ROCK2: variants seen among roughly 807,000 people sequenced by gnomAD.
ROCK2 encodes Rho associated coiled-coil containing protein kinase 2.
In ROCK2, 61 loss-of-function variants were observed where a neutral mutation model predicts 195.1. That is an observed-to-expected ratio of 0.31 (90% CI 0.25 to 0.39). The LOEUF (loss-of-function observed/expected upper bound fraction) is 0.39. ROCK2 is among the 10% of genes least tolerant of loss of function. The probability of loss-of-function intolerance (pLI) is 1.00; values close to 1 mark genes in which losing one functional copy is unlikely to be tolerated. For synonymous variants in ROCK2, 504 were observed against 545.5 expected, an observed-to-expected ratio of 0.92 and a Z score of 1.06; for missense variants, 1,109 against 1,637.4, an observed-to-expected ratio of 0.68 and a Z score of 5.57.
chr2:11,272,764 G>A (rs908367519), intron 3 of ROCK2, among the ~76,000 whole-genome samples: 7 of 151,732 alleles, frequency 4.6e-5, no homozygotes, highest in Admixed American at 3.9e-4. Flanking sequence ...CAGCTACTCG[G>A]GAGGCTGAGG....
rs1392281757 is a variant in ROCK2 at position 11,192,786 on chromosome 2, T to A, written c.3688-74A>T. On this transcript the variant is annotated intron_variant, in intron 30 of 32. Coordinates refer to ENST00000315872, the MANE Select transcript of ROCK2 (RefSeq NM_004850.5). This position sits in a 1 kb window ranked among gnomAD's most constrained non-coding sequence, Gnocchi z 5.0. The stretch of plus-strand genomic sequence containing the variant: ...TTATGTAGGAACAATTCTGATAGTG[T>A]AAGTAAAATAAAATTAGCCTAAATT... The A allele has an allele frequency of 1.4e-6, 2 of 1,446,968 alleles. No individual in the cohort carries two copies. Among genetic ancestry groups the A allele is most frequent in the African/African-American group, 2.8e-5 (2 of 70,520 alleles). The allele number at this position is 1,446,968 out of a possible 1,614,324, so 89.6% of individuals were successfully genotyped here.
Position 11,183,307 on chromosome 2 carries a change from G to T in ROCK2, c.*130C>A, listed in dbSNP as rs568905109. On this transcript the variant is annotated 3_prime_UTR_variant, in exon 33 of 33. Transcript: ENST00000315872. ...ACAGGGAAAAGGGGAACACATATAT[G>T]TATGAGTGTATGTATCAGTCTCTCA... is the stretch of plus-strand genomic sequence containing the variant. 9.3e-6 allele frequency: 6 copies of T among 647,488 alleles called. No homozygotes were observed. In the Admixed American group the frequency reaches 2.0e-4, roughly 21 times the overall value. The allele number at this position is 647,488 out of a possible 1,614,324, so 40.1% of individuals were successfully genotyped here.
intron 30 of ROCK2, among the ~76,000 whole-genome samples, chr2:11,193,059 A>G (rs530593665): frequency 5.9e-5 from 9 of 152,348 alleles, no homozygotes; most frequent in African/African-American, 2.2e-4. Flanking sequence ...AGACTGTTCA[A>G]AATAATCACT....
At position 11,181,004 on chromosome 2, in the gene ROCK2, T is replaced by C. The variant is rs942840865; in HGVS notation, c.*2433A>G. On this transcript the variant is annotated 3_prime_UTR_variant, in exon 33 of 33. Coordinates refer to ENST00000315872, the MANE Select transcript of ROCK2 (RefSeq NM_004850.5). The stretch of plus-strand genomic sequence containing the variant: ...ATTTTTTTTTCACCCTTCAGAATTA[T>C]CTTTTTCCCCTAAGACCTTCATATG... 1.3e-5 allele frequency: 2 copies of C among 151,902 alleles called. No individual in the cohort carries two copies. The highest frequency in any genetic ancestry group is 2.9e-5 in the Non-Finnish European group (2 of 67,968). The allele number at this position is 151,902 out of a possible 1,614,324, so 9.4% of individuals were successfully genotyped here. A position where few individuals can be genotyped will look rare whatever the true frequency, so the allele number is the denominator to read the frequency against.
chr2:11,275,695 C>CT (rs70953379), intron 3 of ROCK2, among the ~76,000 whole-genome samples: 6,798 of 110,152 alleles, frequency 0.062, 443 homozygotes, highest in African/African-American at 0.15. Context: ...ATTCAACAAT[C>CT]TTTTTTTTTT....
chr2:11,345,004 C>A (rs538807716), upstream of ROCK2, among the ~76,000 whole-genome samples: 16 of 151,214 alleles, frequency 1.1e-4, no homozygotes, highest in African/African-American at 3.6e-4. Flanking sequence ...CCCAGCGCAC[C>A]GTGCGCTGGG....
chr2:11,196,509 G>C (rs1297169339), intron 27 of ROCK2, among the ~76,000 whole-genome samples: 1 of 152,164 alleles, frequency 6.6e-6, no homozygotes, highest in Admixed American at 6.5e-5. Flanking sequence ...GCAATGCCAT[G>C]AGAAAATACC....
chr2:11,208,521 C>A, intron 18 of ROCK2, 74 bp from the exon 19 acceptor site: 1 of 746,484 alleles, frequency 1.3e-6, no homozygotes, highest in South Asian at 3.9e-5. Flanking sequence ...TAAGTAAAAG[C>A]ACATTAAATG....
chr2:11,296,315 A>G (rs1667537263), intron 1 of ROCK2, among the ~76,000 whole-genome samples: 1 of 152,172 alleles, frequency 6.6e-6, no homozygotes, highest in Admixed American at 6.5e-5. Flanking sequence ...CAACAAACAG[A>G]TAAAGTTTTG....
intron 1 of ROCK2, among the ~76,000 whole-genome samples, chr2:11,325,882 T>C (rs1269104983): frequency 6.6e-6 from 1 of 152,082 alleles, no homozygotes; most frequent in East Asian, 1.9e-4. Context: ...GGCAAGTGAA[T>C]CCCCTTTAAG....
intron 1 of ROCK2, among the ~76,000 whole-genome samples, chr2:11,324,491 A>G (rs1668490609): frequency 6.6e-6 from 1 of 152,258 alleles, no homozygotes; most frequent in Non-Finnish European, 1.5e-5. Flanking sequence ...AAACATTTAT[A>G]GCAGCTTTAT....
At chr2:11,327,124 G>C (rs1397936867) in intron 1 of ROCK2, among the ~76,000 whole-genome samples, 1 of 152,102 alleles carries the variant, frequency 6.6e-6, no homozygotes, top group Non-Finnish European at 1.5e-5. Context: ...TGGCCAAAGA[G>C]ACAAACTGAT....
chr2:11,281,483 T>C (rs937206775), intron 3 of ROCK2, among the ~76,000 whole-genome samples: 2 of 152,160 alleles, frequency 1.3e-5, no homozygotes, highest in Admixed American at 1.3e-4. Flanking sequence ...GATTCGAAAG[T>C]TTCCTGGAAC....
At chr2:11,244,299 T>C (rs1665535199) in intron 4 of ROCK2, among the ~76,000 whole-genome samples, 1 of 152,210 alleles carries the variant, frequency 6.6e-6, no homozygotes, top group African/African-American at 2.4e-5. Context: ...ATATTTACCA[T>C]CTGGCCCTTT....
At chr2:11,212,316 T>C (rs1351668459) in intron 17 of ROCK2, among the ~76,000 whole-genome samples, 1 of 152,152 alleles carries the variant, frequency 6.6e-6, no homozygotes, top group Non-Finnish European at 1.5e-5. Flanking sequence ...TCTACTTCTC[T>C]ACTTCCCACT....
At chr2:11,200,580 G>A (rs576945975) in intron 23 of ROCK2, among the ~76,000 whole-genome samples, 1 of 152,052 alleles carries the variant, frequency 6.6e-6, no homozygotes, top group Non-Finnish European at 1.5e-5. Flanking sequence ...ATTTCAATAG[G>A]TCTAGTTAAT....
At position 11,202,070 on chromosome 2, in the gene ROCK2, T is replaced by C. The variant is rs775734356; in HGVS notation, c.2601A>G (p.Glu867=). ...GQMKELQDQL[E]AEQYFSTLYK... The stretch of plus-strand genomic sequence containing the variant: ...AACTTACTGAGAAATACTGTTCTGC[T>C]TCGAGCTGATCCTGGAGCTCTTTCA... Residue 867 remains glutamate, a synonymous_variant, in exon 21 of 33, where the codon GAA becomes GAG. Transcript: ENST00000315872. 4.3e-6 allele frequency: 7 copies of C among 1,613,872 alleles called. No homozygotes were observed. Among genetic ancestry groups the C allele is most frequent in the Non-Finnish European group, 5.9e-6 (7 of 1,179,818 alleles).
At chr2:11,214,318 T>C (rs746574260) in intron 17 of ROCK2, 39 bp downstream of exon 17, 4 of 1,159,144 alleles carry the variant, frequency 3.5e-6, no homozygotes, top group South Asian at 2.6e-5. Context: ...GAAAGTCTAC[T>C]GTCAATTTTC....
At chr2:11,271,703 T>C (rs34554628) in intron 3 of ROCK2, among the ~76,000 whole-genome samples, 37,548 of 152,070 alleles carry the variant, frequency 0.25, 5,351 homozygotes, top group East Asian at 0.54. Context: ...CTCTGGGAAC[T>C]TGAAACAATG....
Sources: allele counts gnomAD v4.1 joint callset (sites outside exome capture counted in the v4.1 genomes callset), GRCh38; gene constraint gnomAD v4.1.1; non-coding constraint Gnocchi (gnomAD v3.1); transcripts MANE v1.5; gene names NCBI Gene and HGNC (gene_info 2026-07-23, HGNC 2026-07-21).